Variants in CEP152 observed in about 807,000 individuals in gnomAD.
CEP152 encodes the protein centrosomal protein of 152 kDa.
CEP152 carries 132 observed loss-of-function variants against 188.9 expected under a neutral mutation model. That is an observed-to-expected ratio of 0.70 (90% CI 0.61 to 0.81). The LOEUF (loss-of-function observed/expected upper bound fraction) is 0.81. CEP152 is among the 30% of genes least tolerant of loss of function. The pLI is 0.00. For synonymous variants in CEP152, 649 were observed against 666.6 expected, an observed-to-expected ratio of 0.97 and a Z score of 0.41; for missense variants, 1,914 against 1,969.8, an observed-to-expected ratio of 0.97 and a Z score of 0.54.
chr15:48,741,202 T>C, intron 26 of CEP152: 5 of 1,089,728 alleles, frequency 4.6e-6, no homozygotes, highest in Non-Finnish European at 5.6e-6. Context: ...CAATCATAGC[T>C]TACTGCAACC....
chr15:48,752,277 T>C, intron 21 of CEP152, 72 bp downstream of exon 21: 2 of 1,612,988 alleles, frequency 1.2e-6, no homozygotes, highest in Admixed American at 1.7e-5. Context: ...GATCTCCTTT[T>C]ATCCTCAAAG....
At position 48,786,967 on chromosome 15, in the gene CEP152, G is replaced by T. The variant is rs1217568732; in HGVS notation, c.1173+1834C>A. Among the ~76,000 whole-genome samples, 4 of 151,896 alleles carry T rather than the reference G, an allele frequency of 2.6e-5. No homozygotes were observed. In the South Asian group the frequency reaches 8.3e-4, roughly 32 times the overall value. ...GAATGGAGACCCCCAACCCAATAAG[G>T]AAAAGCCACCAGGATCCACTCTTCT... On this transcript the variant is annotated intron_variant, in intron 9 of 26. Transcript: ENST00000380950.
chr15:48,733,807 T>C (rs559306479), downstream of CEP152, among the ~76,000 whole-genome samples: 1 of 152,182 alleles, frequency 6.6e-6, no homozygotes, highest in South Asian at 2.1e-4. Context: ...GGATTAACAG[T>C]TGACTTTTCA....
At chr15:48,805,417 T>C in intron 2 of CEP152, 146 bp downstream of exon 2, 1 of 1,091,262 alleles carries the variant, frequency 9.2e-7, no homozygotes, top group Non-Finnish European at 1.3e-6. Context: ...TCAGTCTAAA[T>C]AGCAAGCAGA....
chr15:48,744,056 T>G (rs1277113761), intron 24 of CEP152, among the ~76,000 whole-genome samples, 184 bp downstream of exon 24: 5 of 152,096 alleles, frequency 3.3e-5, no homozygotes, highest in African/African-American at 1.2e-4. Context: ...AAGATATTAT[T>G]TGGGAAAAAT....
intron 8 of CEP152, among the ~76,000 whole-genome samples, chr15:48,790,756 C>T (rs1445686227): frequency 2.6e-5 from 4 of 152,168 alleles, no homozygotes; most frequent in Middle Eastern, 3.4e-3. Flanking sequence ...TTAATAGAGA[C>T]GGGGTTTCAC....
In CEP152 at chr15:48,744,264, T is replaced by C; in HGVS notation, c.3811A>G (p.Ile1271Val). 2 of 1,614,100 alleles carry C rather than the reference T, an allele frequency of 1.2e-6. No homozygotes were observed. The highest frequency in any genetic ancestry group is 2.2e-5 in the East Asian group (1 of 44,850). Residue 1271 changes from isoleucine (I) to valine (V), a missense_variant, in exon 24 of 27, where the codon ATT becomes GTT. By Grantham distance (29) the Ile-to-Val change is conservative (BLOSUM62 3). Transcript: ENST00000380950. ...CATTTAATTTTTTTTACAGCTTTAA[T>C]GTACTGCCCACGAAGTTCTTCCAAG... ...GALEELRGQY[I>V]KAVKKIKCDM...
chr15:48,741,878 G>A, intron 25 of CEP152, 69 bp downstream of exon 25: 2 of 1,613,692 alleles, frequency 1.2e-6, no homozygotes, highest in Non-Finnish European at 1.7e-6. Context: ...AGTGGTTAAG[G>A]AAAATGCTTT....
In CEP152 at chr15:48,738,820, T is replaced by C. The variant is rs1892752229; in HGVS notation, c.4562A>G (p.His1521Arg). 2.5e-6 allele frequency: 4 copies of C among 1,614,204 alleles called. No homozygotes were observed. The highest frequency in any genetic ancestry group is 2.5e-6 in the Non-Finnish European group (3 of 1,180,016). ...TPGPSESGCM[H>R]ITFRDSNERL... is the part of the protein sequence containing the mutation. ...TTCATTAGAATCGCGAAAGGTTATA[T>C]GCATGCATCCTGATTCAGAAGGACC... The change falls in exon 27 of 27, where the codon CAT (histidine) becomes CGT (arginine). Residue 1521 changes from histidine to arginine, a missense_variant. Transcript: ENST00000380950.
rs770518230 is a variant in CEP152 at position 48,781,363 on chromosome 15, C to T, written c.1414-4G>A. On this transcript the variant is annotated splice_polypyrimidine_tract_variant and splice_region_variant and intron_variant, in intron 11 of 26. Transcript: ENST00000380950. ...CTTTTAGTTCTGTTAATTCTTCCTA[C>T]AACACAAAATTATTAAAAATAATTT... is the stretch of plus-strand genomic sequence containing the variant. 6 of 1,585,832 alleles carry T rather than the reference C, an allele frequency of 3.8e-6. No homozygotes were observed. The highest frequency in any genetic ancestry group is 5.2e-6 in the Non-Finnish European group (6 of 1,156,298).
chr15:48,732,032 AAT>A (rs1266098271), intron 2 of CEP152, among the ~76,000 whole-genome samples: 2 of 152,230 alleles, frequency 1.3e-5, no homozygotes, highest in African/African-American at 4.8e-5. Context: ...GTCAGGAAAC[AAT>A]AGTTGCTGGC....
At chr15:48,760,361 C>T in intron 18 of CEP152, 95 bp from the exon 19 acceptor site, 3 of 1,404,182 alleles carry the variant, frequency 2.1e-6, no homozygotes, top group Non-Finnish European at 3.0e-6. Flanking sequence ...GTATTTTATA[C>T]TGTATATCAC....
intron 1 of CEP152, among the ~76,000 whole-genome samples, chr15:48,806,609 T>A (rs576267853): frequency 2.0e-5 from 3 of 152,306 alleles, no homozygotes; most frequent in South Asian, 2.1e-4. Context: ...AGCTCTAAAA[T>A]GTCATTAAAT....
At chr15:48,805,076 A>G (rs1042492571) in intron 2 of CEP152, among the ~76,000 whole-genome samples, 7 of 152,124 alleles carry the variant, frequency 4.6e-5, no homozygotes, top group Non-Finnish European at 7.4e-5. Context: ...CACCCCATCT[A>G]CAGCAATCCC....
At chr15:48,804,255 T>C (rs1430449251) in intron 2 of CEP152, among the ~76,000 whole-genome samples, 1 of 152,214 alleles carries the variant, frequency 6.6e-6, no homozygotes, top group Non-Finnish European at 1.5e-5. Context: ...CATAAAATTT[T>C]CCCATCTTCA....
At chr15:48,759,453 C>T (rs7171142) in intron 19 of CEP152, among the ~76,000 whole-genome samples, 38,140 of 151,998 alleles carry the variant, frequency 0.25, 7,076 homozygotes, top group African/African-American at 0.51. Flanking sequence ...ACCTCTGAAA[C>T]CTGTATTGCA....
chr15:48,791,753 G>A (rs1207123373), intron 7 of CEP152, among the ~76,000 whole-genome samples: 1 of 151,820 alleles, frequency 6.6e-6, no homozygotes, highest in African/African-American at 2.4e-5. Context: ...CTAACCTCAA[G>A]TGATCCACCC....
intron 11 of CEP152, 112 bp from the exon 12 acceptor site, chr15:48,781,471 C>T (rs893489015): frequency 2.3e-5 from 18 of 767,590 alleles, no homozygotes; most frequent in Non-Finnish European, 3.9e-5. Context: ...AAAACTTCTT[C>T]AAATATATTA....
At chr15:48,734,915 T>C (rs1378076010), downstream of CEP152, among the ~76,000 whole-genome samples, 1 of 152,166 alleles carries the variant, frequency 6.6e-6, no homozygotes, top group African/African-American at 2.4e-5. Flanking sequence ...AGTTTAACAA[T>C]TACAGCCAGA....
Sources: allele counts gnomAD v4.1 joint callset (sites outside exome capture counted in the v4.1 genomes callset), GRCh38; gene constraint gnomAD v4.1.1; transcripts MANE v1.5; gene names NCBI Gene and HGNC (gene_info 2026-07-23, HGNC 2026-07-21).